SSPN: variants seen among roughly 807,000 people sequenced by gnomAD.
SSPN encodes the protein K-ras oncogene-associated protein.
SSPN carries 15 observed loss-of-function variants against 19.1 expected under a neutral mutation model. The ratio of observed to expected loss-of-function variants is 0.78; its 90% CI spans 0.52 to 1.21. The LOEUF (loss-of-function observed/expected upper bound fraction) is 1.21. SSPN is among the 50% of genes most tolerant of loss of function. SSPN has a pLI of 0.00. For missense variants in SSPN, 291 were observed against 314.0 expected (o/e 0.93, Z 0.55); for synonymous variants, 147 against 140.3 (o/e 1.05, Z -0.34).
intron 1 of SSPN, among the ~76,000 whole-genome samples, chr12:26,184,075 G>T (rs1358327051): frequency 3.3e-5 from 5 of 152,164 alleles, no homozygotes; most frequent in Non-Finnish European, 1.5e-5. Context: ...GAGCTAGAGG[G>T]TATGCTGGAA....
intron 2 of SSPN, among the ~76,000 whole-genome samples, chr12:26,228,774 T>C (rs948392061): frequency 6.6e-6 from 1 of 152,154 alleles, no homozygotes; most frequent in Admixed American, 6.5e-5. Context: ...TGTTCAAATA[T>C]TCTTCCCCAT....
intron 1 of SSPN, among the ~76,000 whole-genome samples, chr12:26,167,783 T>C (rs1944630195): frequency 6.6e-6 from 1 of 152,246 alleles, no homozygotes; most frequent in Non-Finnish European, 1.5e-5. Context: ...GCCTAGATAC[T>C]GAACACCCTG....
intron 1 of SSPN, among the ~76,000 whole-genome samples, chr12:26,137,239 T>C (rs1165197192): frequency 1.3e-5 from 2 of 152,184 alleles, no homozygotes; most frequent in Non-Finnish European, 2.9e-5. Context: ...GAGCCAGGAT[T>C]TGAAGAAAAC....
At chr12:26,157,473 C>A (rs1944562652) in intron 1 of SSPN, among the ~76,000 whole-genome samples, 1 of 152,110 alleles carries the variant, frequency 6.6e-6, no homozygotes, top group African/African-American at 2.4e-5. Context: ...TCAACTCATC[C>A]TCAGGCCTAC....
intron 1 of SSPN, chr12:26,122,841 T>G (rs1319250143): frequency 1.3e-6 from 2 of 1,577,518 alleles, no homozygotes; most frequent in South Asian, 2.3e-5. Context: ...GGCGCTGGGC[T>G]GAGTCCGCTG....
At chr12:26,198,309 G>A (rs1032391157) in intron 1 of SSPN, among the ~76,000 whole-genome samples, 9 of 152,160 alleles carry the variant, frequency 5.9e-5, no homozygotes, top group Admixed American at 1.3e-4. Context: ...AATTACAGGC[G>A]TGCACCGCCA....
intron 1 of SSPN, among the ~76,000 whole-genome samples, chr12:26,216,427 T>C (rs1591888726): frequency 1.3e-5 from 2 of 149,312 alleles, no homozygotes; most frequent in East Asian, 3.9e-4. Flanking sequence ...GGTTGTTTGT[T>C]TTTTTCTTAT....
At chr12:26,192,953 G>C (rs1591871589), upstream of SSPN, among the ~76,000 whole-genome samples, 1 of 152,114 alleles carries the variant, frequency 6.6e-6, no homozygotes, top group East Asian at 1.9e-4. Context: ...TTGAGGAAAA[G>C]GCTAAAAATG....
At chr12:26,122,541 G>C in intron 1 of SSPN, 1 of 1,255,108 alleles carries the variant, frequency 8.0e-7, no homozygotes, top group East Asian at 3.8e-5. Flanking sequence ...CGCCACCAGC[G>C]AGCTGAGCAG....
intron 1 of SSPN, among the ~76,000 whole-genome samples, chr12:26,143,198 T>C (rs949688073): frequency 6.6e-6 from 1 of 152,238 alleles, no homozygotes; most frequent in African/African-American, 2.4e-5. Context: ...GTCATTTGAT[T>C]AAGTATAAAG....
Position 26,150,833 on chromosome 12 carries a change from T to C in SSPN, c.-31+28681T>C, listed in dbSNP as rs1944521309. ...GTCCTTACTGGGATTTGTGATGTAT[T>C]CTGCAGGAGGATAATTTTGCCTCTG... On this transcript the variant is annotated intron_variant, in intron 1 of 2. Coordinates refer to the SSPN transcript ENST00000538142. 2.0e-5 allele frequency among the ~76,000 whole-genome samples: 3 copies of C among 152,164 alleles called. No homozygotes were observed. The South Asian group carries it at 6.2e-4, about 32-fold the overall frequency.
At position 26,224,352 on chromosome 12, in the gene SSPN, A is replaced by C. The variant is rs148183556; in HGVS notation, c.339A>C (p.Glu113Asp). 2.6e-4 allele frequency: 427 copies of C among 1,613,810 alleles called. No individual in the cohort carries two copies. The highest frequency in any genetic ancestry group is 3.5e-4 in the Non-Finnish European group (417 of 1,179,800). Residue 113 changes from glutamate (E) to aspartate (D), a missense_variant, in exon 2 of 3, where the codon GAA becomes GAC. This residue lies in a region of SSPN where 141 missense variants were observed against 166.7 expected (regional missense o/e 0.85). Transcript: ENST00000242729. ...FMLCVSYQVDERTCIQFSMKL... is the reference protein window; with the variant it reads ...FMLCVSYQVDDRTCIQFSMKL... ...TTTGTGTCTCATATCAGGTTGACGA[A>C]CGGACATGTATTCAATTTTCTATGA...
At chr12:26,199,079 C>T (rs900932931) in intron 1 of SSPN, among the ~76,000 whole-genome samples, 22 of 152,208 alleles carry the variant, frequency 1.4e-4, no homozygotes, top group African/African-American at 5.1e-4. Context: ...CTTCATTTTA[C>T]AGGGGCCACT....
In SSPN at chr12:26,124,668, A is replaced by T. The variant is rs759363684; in HGVS notation, c.-31+2516A>T. On this transcript the variant is annotated intron_variant, in intron 1 of 2. Coordinates refer to the SSPN transcript ENST00000538142. ...CCATACCACTTTCTGGAGAAGAAAA[A>T]AATCAAACCAAAGCCTAGACAGATA... is the stretch of plus-strand genomic sequence containing the variant. 8 of 1,613,540 alleles carry T rather than the reference A, an allele frequency of 5.0e-6. No homozygotes were observed. The South Asian group carries it at 6.6e-5, about 13-fold the overall frequency.
At chr12:26,177,532 C>T (rs1944692020) in intron 1 of SSPN, among the ~76,000 whole-genome samples, 1 of 152,180 alleles carries the variant, frequency 6.6e-6, no homozygotes, top group Non-Finnish European at 1.5e-5. Flanking sequence ...CATTCTGCCC[C>T]ACCCGTAGCT....
intron 1 of SSPN, among the ~76,000 whole-genome samples, chr12:26,217,484 A>G (rs528044771): frequency 0.044 from 2,410 of 54,258 alleles, 62 homozygotes; most frequent in African/African-American, 0.13. Flanking sequence ...GGCTGAGACA[A>G]TGGGGTTTTC....
At chr12:26,179,868 T>C (rs957716511) in intron 1 of SSPN, 7 of 151,218 alleles carry the variant, frequency 4.6e-5, no homozygotes, top group African/African-American at 1.7e-4. Flanking sequence ...GCACATCACT[T>C]GGTAATTGAA....
At chr12:26,122,224 C>T (rs1203349318) in intron 1 of SSPN, 13 of 1,295,214 alleles carry the variant, frequency 1.0e-5, no homozygotes, top group Admixed American at 4.2e-5. Context: ...AGGAGGGTCG[C>T]GGCGGCGGCG....
intron 2 of SSPN, among the ~76,000 whole-genome samples, chr12:26,228,652 G>GTA (rs1366470019): frequency 3.3e-5 from 4 of 119,470 alleles, no homozygotes; most frequent in Middle Eastern, 4.3e-3. Flanking sequence ...GCTACGATGG[G>GTA]TACACACACA....
Sources: allele counts gnomAD v4.1 joint callset (sites outside exome capture counted in the v4.1 genomes callset), GRCh38; gene constraint gnomAD v4.1.1; regional missense constraint gnomAD v4.1.1; transcripts MANE v1.5; gene names NCBI Gene and HGNC (gene_info 2026-07-23, HGNC 2026-07-21).